The following TRHDE variants were observed in gnomAD, a reference collection of about 807,000 sequenced individuals.
TRHDE encodes thyrotropin-releasing hormone-degrading ectoenzyme.
TRHDE carries 72 observed loss-of-function variants against 125.7 expected under a neutral mutation model. That is an observed-to-expected ratio of 0.57 (90% CI 0.47 to 0.70). The LOEUF is 0.70. Among genes scored for constraint, TRHDE ranks in the 30% least tolerant of loss-of-function variants. TRHDE has a pLI of 0.00. For missense variants in TRHDE, 1,110 were observed against 1,327.1 expected, an observed-to-expected ratio of 0.84 and a Z score of 2.54; for synonymous variants, 509 against 509.1, an observed-to-expected ratio of 1.00 and a Z score of 0.00.
intron 6 of TRHDE, among the ~76,000 whole-genome samples, chr12:72,502,144 GT>G (rs1190701191): frequency 6.6e-6 from 1 of 151,642 alleles, no homozygotes; most frequent in African/African-American, 2.4e-5. Flanking sequence ...TTTCTCTCTT[GT>G]TTTCTATTTC....
At chr12:72,219,528 C>A (rs1877961693) in intron 2 of TRHDE, among the ~76,000 whole-genome samples, 1 of 152,120 alleles carries the variant, frequency 6.6e-6, no homozygotes, top group African/African-American at 2.4e-5. Flanking sequence ...GCCTTCCCAC[C>A]CTTGAACCAA....
At chr12:72,516,457 G>T (rs1878865020) in intron 6 of TRHDE, among the ~76,000 whole-genome samples, 1 of 151,790 alleles carries the variant, frequency 6.6e-6, no homozygotes, top group African/African-American at 2.4e-5. Context: ...TCTGTTATTG[G>T]TGTATAAGAA....
intron 2 of TRHDE, among the ~76,000 whole-genome samples, chr12:72,134,174 A>C (rs972996144): frequency 2.0e-5 from 3 of 152,172 alleles, no homozygotes; most frequent in Non-Finnish European, 4.4e-5. Flanking sequence ...TTGAAAATTC[A>C]AATCAAGAAA....
chr12:72,645,334 T>C (rs1381143584), intron 15 of TRHDE, among the ~76,000 whole-genome samples: 2 of 152,232 alleles, frequency 1.3e-5, no homozygotes, highest in Non-Finnish European at 2.9e-5. Flanking sequence ...AAATTTACTG[T>C]TAATAGAAGG....
At chr12:72,524,691 G>A (rs1272266969) in intron 6 of TRHDE, among the ~76,000 whole-genome samples, 3 of 152,052 alleles carry the variant, frequency 2.0e-5, no homozygotes, top group Admixed American at 6.6e-5. Flanking sequence ...CCTCTTATGC[G>A]AGCCCATCCT....
chr12:72,091,945 C>T (rs1274868560), intron 1 of TRHDE, among the ~76,000 whole-genome samples: 1 of 152,264 alleles, frequency 6.6e-6, no homozygotes, highest in Middle Eastern at 3.4e-3. Context: ...GCAGAGAGCT[C>T]TCTTCTTCTT....
intron 7 of TRHDE, 143 bp from the exon 8 acceptor site, chr12:72,562,022 T>A: frequency 2.1e-6 from 1 of 479,580 alleles, no homozygotes; most frequent in East Asian, 3.4e-5. Flanking sequence ...TTTGGAATAT[T>A]TTTAAATGAG....
intron 7 of TRHDE, among the ~76,000 whole-genome samples, chr12:72,560,079 CT>C (rs1331190358): frequency 6.6e-6 from 1 of 151,708 alleles, no homozygotes; most frequent in Non-Finnish European, 1.5e-5. Context: ...GCAGAATTTT[CT>C]TAATTCAAGC....
chr12:72,446,453 G>C (rs1345504320), intron 3 of TRHDE, among the ~76,000 whole-genome samples: 1 of 151,922 alleles, frequency 6.6e-6, no homozygotes, highest in Non-Finnish European at 1.5e-5. Flanking sequence ...GCATCAACTA[G>C]TGAGCAAAAT....
intron 3 of TRHDE, among the ~76,000 whole-genome samples, chr12:72,381,985 G>A (rs1286074698): frequency 6.6e-6 from 1 of 152,182 alleles, no homozygotes; most frequent in Admixed American, 6.5e-5. Context: ...GTGTAAAGTT[G>A]TGAGGCTGAA....
intron 2 of TRHDE, among the ~76,000 whole-genome samples, chr12:72,327,558 C>T (rs1000493204): frequency 6.6e-6 from 1 of 152,256 alleles, no homozygotes; most frequent in South Asian, 2.1e-4. Flanking sequence ...CAGAATTCAA[C>T]ACTATATTTA....
intron 2 of TRHDE, among the ~76,000 whole-genome samples, chr12:72,206,442 T>A (rs1877666900): frequency 6.6e-6 from 1 of 152,204 alleles, no homozygotes; most frequent in African/African-American, 2.4e-5. Flanking sequence ...GTTGTTTACA[T>A]GTCTATTTCT....
At chr12:72,604,521 C>T (rs1872348522) in intron 12 of TRHDE, among the ~76,000 whole-genome samples, 1 of 151,774 alleles carries the variant, frequency 6.6e-6, no homozygotes, top group Non-Finnish European at 1.5e-5. Flanking sequence ...ATTAAGATTC[C>T]AGAATTTTCT....
intron 2 of TRHDE, among the ~76,000 whole-genome samples, chr12:72,119,953 T>C (rs867271375): frequency 3.3e-5 from 5 of 152,168 alleles, no homozygotes; most frequent in Admixed American, 2.0e-4. Flanking sequence ...CAACAAATCA[T>C]TGGGCCTTTT....
At chr12:72,366,231 C>T (rs2135757646) in intron 2 of TRHDE, among the ~76,000 whole-genome samples, 1 of 152,158 alleles carries the variant, frequency 6.6e-6, no homozygotes, top group South Asian at 2.1e-4. Context: ...CTTTGGGGGC[C>T]ATCACTCAGC....
intron 3 of TRHDE, among the ~76,000 whole-genome samples, chr12:72,387,270 T>C (rs562862388): frequency 3.3e-5 from 5 of 152,330 alleles, no homozygotes; most frequent in African/African-American, 1.2e-4. Flanking sequence ...ATGACACATC[T>C]GACCTATCAG....
At chr12:72,616,022 G>A (rs1872798332) in intron 12 of TRHDE, among the ~76,000 whole-genome samples, 1 of 152,110 alleles carries the variant, frequency 6.6e-6, no homozygotes, top group Non-Finnish European at 1.5e-5. Flanking sequence ...TAAGTACCAG[G>A]AGAACTGGGA....
chr12:72,090,179 G>A (rs1486995772), intron 1 of TRHDE, among the ~76,000 whole-genome samples: 1 of 152,188 alleles, frequency 6.6e-6, no homozygotes, highest in Admixed American at 6.5e-5. Context: ...CCCTCTGGAA[G>A]AAGGTGTCTT....
intron 3 of TRHDE, among the ~76,000 whole-genome samples, chr12:72,456,104 T>C (rs570109473): frequency 6.2e-4 from 91 of 147,748 alleles, no homozygotes; most frequent in African/African-American, 2.1e-3. Context: ...ATAATAGAAA[T>C]ATTATATAAA....
Sources: allele counts gnomAD v4.1 joint callset (sites outside exome capture counted in the v4.1 genomes callset), GRCh38; gene constraint gnomAD v4.1.1; transcripts MANE v1.5; gene names NCBI Gene and HGNC (gene_info 2026-07-23, HGNC 2026-07-21).